The following ADAMTS12 variants were observed in gnomAD, a reference collection of about 807,000 sequenced individuals.
ADAMTS12 encodes the protein ADAM metallopeptidase with thrombospondin type 1 motif 12.
In ADAMTS12, 118 loss-of-function variants were observed where a neutral mutation model predicts 167.8. That is an observed-to-expected ratio of 0.70 (90% CI 0.61 to 0.82). The LOEUF is 0.82. ADAMTS12 is among the 40% of genes least tolerant of loss of function. The pLI, the probability that ADAMTS12 is intolerant of heterozygous loss-of-function variation, is 0.00. For missense variants in ADAMTS12, 1,916 were observed against 1,998.8 expected, an observed-to-expected ratio of 0.96 and a Z score of 0.79; for synonymous variants, 704 against 716.9, an observed-to-expected ratio of 0.98 and a Z score of 0.29.
At chr5:33,708,738 T>C (rs531251967) in intron 3 of ADAMTS12, among the ~76,000 whole-genome samples, 1 of 150,888 alleles carries the variant, frequency 6.6e-6, no homozygotes, top group Non-Finnish European at 1.5e-5. Context: ...TAAGTGGGAG[T>C]TGAATAATGA....
intron 20 of ADAMTS12, among the ~76,000 whole-genome samples, chr5:33,551,104 G>A (rs1745237874): frequency 6.6e-6 from 1 of 152,134 alleles, no homozygotes; most frequent in Non-Finnish European, 1.5e-5. Context: ...AAAAGACCAT[G>A]CTGTCTTTCT....
chr5:33,776,238 C>T (rs896058412), intron 2 of ADAMTS12, among the ~76,000 whole-genome samples: 3 of 152,124 alleles, frequency 2.0e-5, no homozygotes, highest in Admixed American at 6.5e-5. Flanking sequence ...CTGATACATA[C>T]AGAACATTCC....
chr5:33,699,610 T>C (rs1229787305), intron 3 of ADAMTS12, among the ~76,000 whole-genome samples: 6 of 152,182 alleles, frequency 3.9e-5, no homozygotes, highest in Non-Finnish European at 7.3e-5. Flanking sequence ...TCGTTTTGGA[T>C]TGATAAAAAG....
At chr5:33,749,835 C>G (rs1399995902) in intron 3 of ADAMTS12, among the ~76,000 whole-genome samples, 1 of 152,114 alleles carries the variant, frequency 6.6e-6, no homozygotes, top group Admixed American at 6.5e-5. Context: ...ATTCTCAATT[C>G]ATTTGTAATT....
At chr5:33,665,941 C>T (rs1188789878) in intron 5 of ADAMTS12, among the ~76,000 whole-genome samples, 1 of 152,188 alleles carries the variant, frequency 6.6e-6, no homozygotes, top group Non-Finnish European at 1.5e-5. Flanking sequence ...ATATCGTCTC[C>T]ATAGGGCATA....
chr5:33,688,650 A>G (rs1742439033), intron 3 of ADAMTS12, among the ~76,000 whole-genome samples: 1 of 152,190 alleles, frequency 6.6e-6, no homozygotes, highest in Admixed American at 6.5e-5. Context: ...GAGTAGTGCT[A>G]GGGAGCAAAG....
intron 18 of ADAMTS12, among the ~76,000 whole-genome samples, chr5:33,587,193 C>T (rs1267640039): frequency 2.0e-5 from 3 of 152,144 alleles, no homozygotes; most frequent in Non-Finnish European, 4.4e-5. Flanking sequence ...GAGTGTTTTG[C>T]TTTCAAATAG....
intron 2 of ADAMTS12, among the ~76,000 whole-genome samples, chr5:33,834,428 A>G (rs549884250): frequency 1.3e-5 from 2 of 152,344 alleles, no homozygotes; most frequent in South Asian, 4.1e-4. Context: ...AATGAAATTT[A>G]TCTTTGAAAC....
chr5:33,861,035 C>T (rs1336778915), intron 2 of ADAMTS12, among the ~76,000 whole-genome samples: 1 of 152,106 alleles, frequency 6.6e-6, no homozygotes, highest in Non-Finnish European at 1.5e-5. Context: ...GAAGGAAACA[C>T]TAAATATGGA....
At chr5:33,666,203 C>T (rs973529157) in intron 5 of ADAMTS12, among the ~76,000 whole-genome samples, 1 of 152,222 alleles carries the variant, frequency 6.6e-6, no homozygotes, top group Non-Finnish European at 1.5e-5. Flanking sequence ...TGGACACCCT[C>T]CACCGTTAAC....
intron 19 of ADAMTS12, among the ~76,000 whole-genome samples, chr5:33,562,020 A>C (rs1745772522): frequency 6.6e-6 from 1 of 152,210 alleles, no homozygotes; most frequent in African/African-American, 2.4e-5. Flanking sequence ...ACCTGCCCAA[A>C]GGGTTTTCTG....
At chr5:33,713,029 G>T in intron 3 of ADAMTS12, among the ~76,000 whole-genome samples, 1 of 152,124 alleles carries the variant, frequency 6.6e-6, no homozygotes, top group East Asian at 1.9e-4. Flanking sequence ...ACACATACTG[G>T]ACAAACTCCA....
At chr5:33,779,080 T>C (rs532038980) in intron 2 of ADAMTS12, among the ~76,000 whole-genome samples, 8 of 152,226 alleles carry the variant, frequency 5.3e-5, no homozygotes, top group South Asian at 2.1e-4. Flanking sequence ...AGAACAGCCA[T>C]TATAGAAAAC....
At position 33,711,928 on chromosome 5, in the gene ADAMTS12, T is replaced by C. The variant is rs572109401; in HGVS notation, c.635-27873A>G. Among the ~76,000 whole-genome samples, 9 of 152,278 alleles carry C rather than the reference T, an allele frequency of 5.9e-5. No individual in the cohort carries two copies. In the South Asian group the frequency reaches 1.9e-3, roughly 32 times the overall value. On this transcript the variant is annotated intron_variant, in intron 3 of 23. Transcript: ENST00000504830. ...GAGCTTGTAATTTTAAGAATAGTATTTCCATATTTTCTGAGGATGCAGTAG... is the reference window on the plus strand; with the variant it reads ...GAGCTTGTAATTTTAAGAATAGTATCTCCATATTTTCTGAGGATGCAGTAG...
intron 23 of ADAMTS12, among the ~76,000 whole-genome samples, chr5:33,531,100 G>A (rs1744078397): frequency 6.6e-6 from 1 of 152,220 alleles, no homozygotes; most frequent in Admixed American, 6.5e-5. Context: ...CAGACACAGA[G>A]AGGAAAGACA....
At chr5:33,529,179 G>T (rs1363633027) in intron 23 of ADAMTS12, among the ~76,000 whole-genome samples, 3 of 152,216 alleles carry the variant, frequency 2.0e-5, no homozygotes, top group Non-Finnish European at 1.5e-5. Flanking sequence ...AATTCCCAGA[G>T]TAAGTATACA....
intron 2 of ADAMTS12, among the ~76,000 whole-genome samples, chr5:33,783,565 A>T (rs1416556895): frequency 6.6e-6 from 1 of 151,930 alleles, no homozygotes; most frequent in Non-Finnish European, 1.5e-5. Context: ...GCCCCGCAGA[A>T]ATTAAAAGAA....
chr5:33,881,575 T>C (rs1750447678), intron 1 of ADAMTS12, 95 bp from the exon 2 acceptor site: 8 of 1,492,102 alleles, frequency 5.4e-6, no homozygotes. Flanking sequence ...TTTTTTTTTT[T>C]TTGGAAATGG....
At chr5:33,570,381 G>C (rs1045394673) in intron 19 of ADAMTS12, among the ~76,000 whole-genome samples, 4 of 152,214 alleles carry the variant, frequency 2.6e-5, no homozygotes, top group African/African-American at 4.8e-5. Flanking sequence ...AAGCCCATCA[G>C]ACTAACAGTG....
Sources: allele counts gnomAD v4.1 joint callset (sites outside exome capture counted in the v4.1 genomes callset), GRCh38; gene constraint gnomAD v4.1.1; transcripts MANE v1.5; gene names NCBI Gene and HGNC (gene_info 2026-07-23, HGNC 2026-07-21).